Variants in DPP10 observed in about 807,000 individuals in gnomAD.
DPP10 encodes inactive dipeptidyl peptidase 10.
A neutral mutation model predicts 120.9 loss-of-function variants in DPP10; 33 were observed. The ratio of observed to expected loss-of-function variants is 0.27; its 90% CI spans 0.21 to 0.37. The LOEUF is 0.37. Ranked by LOEUF, DPP10 falls within the 10% of genes least tolerant of loss-of-function variation. The pLI is 1.00. For missense variants in DPP10, 816 were observed against 942.8 expected (o/e 0.87, Z 1.76); for synonymous variants, 337 against 326.1 (o/e 1.03, Z -0.36).
At chr2:114,974,713 T>C (rs916171510) in intron 1 of DPP10, among the ~76,000 whole-genome samples, 7 of 152,090 alleles carry the variant, frequency 4.6e-5, no homozygotes, top group African/African-American at 1.7e-4. Context: ...AGCCGGGATA[T>C]AAGCTAGATC....
chr2:114,649,138 C>T (rs928825661), intron 1 of DPP10, among the ~76,000 whole-genome samples: 1 of 152,128 alleles, frequency 6.6e-6, no homozygotes, highest in Non-Finnish European at 1.5e-5. Flanking sequence ...GAACATTTAA[C>T]TTTTTAAAAA....
At chr2:115,652,455 T>C (rs1379878705) in intron 5 of DPP10, among the ~76,000 whole-genome samples, 2 of 145,678 alleles carry the variant, frequency 1.4e-5, no homozygotes, top group Non-Finnish European at 3.0e-5. Context: ...TCCTTTAATA[T>C]ATGTATTCTC....
At chr2:115,053,651 C>G (rs1319032470) in intron 1 of DPP10, among the ~76,000 whole-genome samples, 1 of 152,076 alleles carries the variant, frequency 6.6e-6, no homozygotes, top group Admixed American at 6.6e-5. Context: ...AAAAAAATTT[C>G]CAATACAAGT....
rs1289273753 is a variant in DPP10 at position 115,148,115 on chromosome 2, G to C, written c.61-161124G>C. Among the ~76,000 whole-genome samples the C allele has an allele frequency of 3.9e-5, 6 of 152,284 alleles. No homozygotes were observed. In the East Asian group the frequency reaches 1.2e-3, roughly 29 times the overall value. On this transcript the variant is annotated intron_variant, in intron 1 of 25. Coordinates refer to ENST00000410059, the MANE Select transcript of DPP10 (RefSeq NM_020868.6). ...CCTGTCACTGAGTTCACAAAGGCAA[G>C]AGGCATTGTCACCTGAAGCCACAAA...
chr2:114,967,912 A>T (rs918876391), intron 1 of DPP10, among the ~76,000 whole-genome samples: 2 of 152,138 alleles, frequency 1.3e-5, no homozygotes, highest in African/African-American at 4.8e-5. Context: ...TAGAAATGCA[A>T]ATTCTCAGGC....
chr2:115,354,438 G>A (rs1423737997), intron 3 of DPP10, among the ~76,000 whole-genome samples: 1 of 151,794 alleles, frequency 6.6e-6, no homozygotes, highest in Non-Finnish European at 1.5e-5. Context: ...TTTTTGTTTT[G>A]GTTTTTAGTT....
At chr2:115,782,896 G>T (rs1271674453) in intron 17 of DPP10, among the ~76,000 whole-genome samples, 1 of 151,944 alleles carries the variant, frequency 6.6e-6, no homozygotes, top group Admixed American at 6.6e-5. Flanking sequence ...TGTTAGGTTT[G>T]TTAAGAGATC....
chr2:115,723,557 A>C (rs1391719934), intron 7 of DPP10, among the ~76,000 whole-genome samples: 3 of 151,112 alleles, frequency 2.0e-5, no homozygotes, highest in Non-Finnish European at 4.4e-5. Flanking sequence ...TTTAGTTGAA[A>C]TAAACATCAC....
chr2:115,250,461 AAG>A (rs905468945), intron 1 of DPP10, among the ~76,000 whole-genome samples: 1 of 152,178 alleles, frequency 6.6e-6, no homozygotes, highest in Non-Finnish European at 1.5e-5. Context: ...GTCTGGAGAA[AAG>A]AGAGAAGATT....
intron 1 of DPP10, among the ~76,000 whole-genome samples, chr2:114,946,083 A>C (rs1447120003): frequency 6.6e-6 from 1 of 152,218 alleles, no homozygotes; most frequent in Non-Finnish European, 1.5e-5. Flanking sequence ...GAACCTGAAA[A>C]GACATGTCAA....
chr2:115,318,259 G>T lies in DPP10; in HGVS notation c.175+8906G>T, dbSNP rs537404160. Among the ~76,000 whole-genome samples, 10 of 152,018 alleles carry T rather than the reference G, an allele frequency of 6.6e-5. No individual in the cohort carries two copies. In the East Asian group the frequency reaches 1.9e-3, roughly 29 times the overall value. ...GGTTATAGATATATGAGTTATTTCT[G>T]GGCTTATAATTTTACTTCATTCATC... On this transcript the variant is annotated intron_variant, in intron 2 of 25. Coordinates refer to ENST00000410059, the MANE Select transcript of DPP10 (RefSeq NM_020868.6).
intron 1 of DPP10, among the ~76,000 whole-genome samples, chr2:115,034,003 T>C (rs771824828): frequency 7.6e-5 from 11 of 143,914 alleles, no homozygotes; most frequent in Non-Finnish European, 1.1e-4. Context: ...GTTCAAGGAA[T>C]TCTTCTGCCT....
At chr2:114,716,324 A>G (rs1001771355) in intron 1 of DPP10, among the ~76,000 whole-genome samples, 3 of 152,234 alleles carry the variant, frequency 2.0e-5, no homozygotes, top group Admixed American at 6.5e-5. Flanking sequence ...CCTTTAATAT[A>G]AACAGCAAAC....
chr2:114,643,520 T>C (rs1166401444), intron 1 of DPP10, among the ~76,000 whole-genome samples: 7 of 151,918 alleles, frequency 4.6e-5, no homozygotes, highest in Non-Finnish European at 1.5e-5. Context: ...TACTTTGTCT[T>C]CTGCTAAGCC....
intron 1 of DPP10, among the ~76,000 whole-genome samples, chr2:114,785,860 T>C (rs1473619164): frequency 1.3e-5 from 2 of 152,190 alleles, no homozygotes; most frequent in Non-Finnish European, 2.9e-5. Flanking sequence ...AGAGGTTAAA[T>C]AAACAACTAA....
chr2:115,145,371 C>G (rs2051165531), intron 1 of DPP10, among the ~76,000 whole-genome samples: 1 of 152,142 alleles, frequency 6.6e-6, no homozygotes, highest in Non-Finnish European at 1.5e-5. Flanking sequence ...TTTGTCTTTT[C>G]CAGAATGTCA....
chr2:115,160,527 C>T (rs1315117431), intron 1 of DPP10, among the ~76,000 whole-genome samples: 2 of 152,154 alleles, frequency 1.3e-5, no homozygotes, highest in Non-Finnish European at 2.9e-5. Context: ...CAACTCACTG[C>T]CACCCCACTG....
chr2:115,219,393 C>T (rs1055474964), intron 1 of DPP10, among the ~76,000 whole-genome samples: 2 of 152,046 alleles, frequency 1.3e-5, no homozygotes, highest in African/African-American at 4.8e-5. Context: ...ACTCTAAATA[C>T]TTTTCCATAA....
intron 1 of DPP10, among the ~76,000 whole-genome samples, chr2:115,189,572 C>A (rs1400387877): frequency 3.9e-5 from 6 of 152,052 alleles, no homozygotes; most frequent in African/African-American, 1.4e-4. Context: ...ACTTGGGGTT[C>A]ACTATATTTA....
Sources: allele counts gnomAD v4.1 joint callset (sites outside exome capture counted in the v4.1 genomes callset), GRCh38; gene constraint gnomAD v4.1.1; transcripts MANE v1.5; gene names NCBI Gene and HGNC (gene_info 2026-07-23, HGNC 2026-07-21).